Variants in SORBS2 observed in about 807,000 individuals in gnomAD.
SORBS2 encodes sorbin and SH3 domain-containing protein 2.
In SORBS2, 46 loss-of-function variants were observed where a neutral mutation model predicts 97.7. The ratio of observed to expected loss-of-function variants is 0.47; its 90% CI spans 0.37 to 0.60. The LOEUF is 0.60. Among genes scored for constraint, SORBS2 ranks in the 20% least tolerant of loss-of-function variants. The pLI is 0.00. For synonymous variants in SORBS2, 476 were observed against 473.4 expected, an observed-to-expected ratio of 1.01 and a Z score of -0.07; for missense variants, 1,316 against 1,282.3, an observed-to-expected ratio of 1.03 and a Z score of -0.40.
intron 2 of SORBS2, among the ~76,000 whole-genome samples, chr4:185,705,523 C>T (rs546818907): frequency 9.3e-5 from 14 of 151,096 alleles, no homozygotes; most frequent in Admixed American, 3.3e-4. Context: ...TCCAGCCTGG[C>T]GACAGAGCAA....
chr4:185,755,434 A>G (rs1562309790), intron 2 of SORBS2, among the ~76,000 whole-genome samples: 1 of 152,246 alleles, frequency 6.6e-6, no homozygotes, highest in Non-Finnish European at 1.5e-5. Context: ...TGGAGGTAAA[A>G]GACACAAGAA....
At chr4:185,945,985 G>A (rs553444750) in intron 1 of SORBS2, among the ~76,000 whole-genome samples, 1 of 152,276 alleles carries the variant, frequency 6.6e-6, no homozygotes, top group African/African-American at 2.4e-5. Context: ...GTTGACAGAT[G>A]GTCAAGACTT....
intron 2 of SORBS2, among the ~76,000 whole-genome samples, chr4:185,683,119 G>A (rs1349399401): frequency 6.6e-6 from 1 of 151,936 alleles, no homozygotes; most frequent in Non-Finnish European, 1.5e-5. Context: ...CCAAAATTCA[G>A]TGGACTTCAT....
intron 1 of SORBS2, among the ~76,000 whole-genome samples, chr4:185,925,086 A>C (rs2099262958): frequency 6.6e-6 from 1 of 152,228 alleles, no homozygotes; most frequent in African/African-American, 2.4e-5. Flanking sequence ...TTGAGACCAA[A>C]AACACAAAAA....
chr4:185,875,020 A>T (rs1328018847), intron 1 of SORBS2, among the ~76,000 whole-genome samples: 1 of 152,098 alleles, frequency 6.6e-6, no homozygotes, highest in Non-Finnish European at 1.5e-5. Context: ...TGACTCAGAG[A>T]AACTGTGAGG....
intron 1 of SORBS2, among the ~76,000 whole-genome samples, chr4:185,872,276 G>A (rs1184116276): frequency 6.6e-6 from 1 of 152,112 alleles, no homozygotes; most frequent in Non-Finnish European, 1.5e-5. Flanking sequence ...GTTAATTTGG[G>A]CAACTGGTGC....
chr4:185,690,938 C>T (rs1228969094), intron 2 of SORBS2, among the ~76,000 whole-genome samples: 3 of 151,284 alleles, frequency 2.0e-5, no homozygotes, highest in Admixed American at 6.6e-5. Context: ...CCGCCACTGT[C>T]GCCCAGGCCA....
At chr4:185,763,882 T>C (rs569437490) in intron 2 of SORBS2, among the ~76,000 whole-genome samples, 1 of 152,224 alleles carries the variant, frequency 6.6e-6, no homozygotes, top group East Asian at 1.9e-4. Flanking sequence ...ATAATTGGAA[T>C]GAGTCTATGG....
At chr4:185,952,050 G>C (rs1244003058) in intron 1 of SORBS2, among the ~76,000 whole-genome samples, 2 of 141,676 alleles carry the variant, frequency 1.4e-5, no homozygotes, top group Admixed American at 1.4e-4. Context: ...TTTTTTGATA[G>C]AGTCTCACTC....
At chr4:185,698,390 G>T (rs770239269) in intron 2 of SORBS2, among the ~76,000 whole-genome samples, 2 of 152,118 alleles carry the variant, frequency 1.3e-5, no homozygotes, top group Non-Finnish European at 2.9e-5. Context: ...GCAGGAGAAT[G>T]GCTTGAAGCT....
chr4:185,929,376 T>C (rs1317984651), intron 1 of SORBS2, among the ~76,000 whole-genome samples: 1 of 152,220 alleles, frequency 6.6e-6, no homozygotes, highest in Non-Finnish European at 1.5e-5. Context: ...TGTAGAAAGA[T>C]TCAATCTGTA....
At chr4:185,694,864 G>C (rs905158768) in intron 2 of SORBS2, among the ~76,000 whole-genome samples, 1 of 151,530 alleles carries the variant, frequency 6.6e-6, no homozygotes, top group South Asian at 2.1e-4. Flanking sequence ...GCACCATCAC[G>C]CCTGGCTAAT....
At position 185,882,769 on chromosome 4, in the gene SORBS2, C is replaced by T. The variant is rs182253016; in HGVS notation, c.-338+73427G>A. 8.6e-3 allele frequency among the ~76,000 whole-genome samples: 1,306 copies of T among 151,952 alleles called. 9 individuals carry two copies. The highest frequency in any genetic ancestry group is 0.011 in the Non-Finnish European group (755 of 67,942). Reference sequence around the variant, plus strand: ...GGCCAAAAGAACAGGATAGAGAGTCCAAAAAAGGCCCACACATCTATGCCA... The same window carrying T: ...GGCCAAAAGAACAGGATAGAGAGTCTAAAAAAGGCCCACACATCTATGCCA... On this transcript the variant is annotated intron_variant, in intron 1 of 20. Coordinates refer to the SORBS2 transcript ENST00000284776.
At chr4:185,886,185 C>G (rs1278946637) in intron 1 of SORBS2, among the ~76,000 whole-genome samples, 2 of 152,148 alleles carry the variant, frequency 1.3e-5, no homozygotes, top group African/African-American at 4.8e-5. Context: ...GGTTTAAATT[C>G]CTTGCTAGAA....
intron 13 of SORBS2, among the ~76,000 whole-genome samples, chr4:185,591,133 A>C (rs2095919965): frequency 6.6e-6 from 1 of 152,210 alleles, no homozygotes; most frequent in South Asian, 2.1e-4. Flanking sequence ...ACAGTGACCT[A>C]CTGGCTTCCC....
chr4:185,917,543 A>G (rs2099258856), intron 1 of SORBS2, among the ~76,000 whole-genome samples: 1 of 152,176 alleles, frequency 6.6e-6, no homozygotes, highest in South Asian at 2.1e-4. Flanking sequence ...TATCCTTTAT[A>G]ATAAAACAGC....
chr4:185,836,609 C>A (rs899602620), intron 1 of SORBS2, among the ~76,000 whole-genome samples: 1 of 151,872 alleles, frequency 6.6e-6, no homozygotes, highest in Non-Finnish European at 1.5e-5. Context: ...CGTGTCACAC[C>A]GAGCCTCAGA....
At chr4:185,703,811 G>A (rs1277614141) in intron 2 of SORBS2, among the ~76,000 whole-genome samples, 1 of 152,140 alleles carries the variant, frequency 6.6e-6, no homozygotes, top group African/African-American at 2.4e-5. Context: ...TATTTGTAAG[G>A]CTACTATGTG....
intron 1 of SORBS2, among the ~76,000 whole-genome samples, chr4:185,887,719 C>T (rs1029599971): frequency 6.6e-6 from 1 of 152,078 alleles, no homozygotes; most frequent in African/African-American, 2.4e-5. Context: ...GTAGCACCCT[C>T]CTACTATAGG....
Sources: gnomAD v4.1 joint callset for allele counts (sites outside exome capture counted in the v4.1 genomes callset) on GRCh38, gnomAD v4.1.1 for gene constraint, MANE v1.5 for transcripts, NCBI Gene and HGNC (gene_info 2026-07-23, HGNC 2026-07-21) for gene names.